The following KANK1 variants were observed in gnomAD, a reference collection of about 807,000 sequenced individuals.
The protein encoded by KANK1 is KN motif and ankyrin repeat domain-containing protein 1.
KANK1 carries 109 observed loss-of-function variants against 106.2 expected under a neutral mutation model. The ratio of observed to expected loss-of-function variants is 1.03; its 90% CI spans 0.88 to 1.20. The LOEUF is 1.20. Ranked by LOEUF, KANK1 falls within the 50% of genes most tolerant of loss-of-function variation. KANK1 has a pLI of 0.00. For synonymous variants in KANK1, 873 were observed against 652.2 expected (o/e 1.34, Z -5.16); for missense variants, 2,399 against 1,710.7 (o/e 1.40, Z -7.10).
chr9:684,805 C>T (rs931406083), intron 2 of KANK1, among the ~76,000 whole-genome samples: 2 of 152,102 alleles, frequency 1.3e-5, no homozygotes, highest in African/African-American at 4.8e-5. Context: ...ACCGCTTTGG[C>T]TCCTTTTCTA....
At chr9:551,951 G>C (rs530761540) in intron 1 of KANK1, among the ~76,000 whole-genome samples, 2 of 152,204 alleles carry the variant, frequency 1.3e-5, no homozygotes, top group East Asian at 3.9e-4. Flanking sequence ...AGCTACTCAG[G>C]AGGCTGAGTT....
chr9:530,370 A>T, intron 1 of KANK1, among the ~76,000 whole-genome samples: 1 of 152,276 alleles, frequency 6.6e-6, no homozygotes, highest in African/African-American at 2.4e-5. Flanking sequence ...TTTTATATTT[A>T]AATTATTTAT....
At chr9:508,618 C>G (rs912885684) in intron 1 of KANK1, among the ~76,000 whole-genome samples, 2 of 146,390 alleles carry the variant, frequency 1.4e-5, no homozygotes, top group African/African-American at 5.6e-5. Flanking sequence ...TTAGTTTTAT[C>G]TGTTTTCATG....
At chr9:705,814 G>C (rs915452418) in intron 2 of KANK1, among the ~76,000 whole-genome samples, 1 of 151,876 alleles carries the variant, frequency 6.6e-6, no homozygotes, top group Non-Finnish European at 1.5e-5. Flanking sequence ...TGGCCAGGTT[G>C]GTCTCGAGCT....
rs199657409 is a variant in KANK1 at position 599,017 on chromosome 9, A to AT, written c.-83-77871dup. On this transcript the variant is annotated intron_variant, in intron 1 of 11. Transcript: ENST00000382297. The stretch of plus-strand genomic sequence containing the variant: ...TTATGAATGATTTGTATTTATTATT[A>AT]TTATTTTTTTTTTTTTTTGAGACGG... Among the ~76,000 whole-genome samples, 77 of 129,820 alleles carry AT rather than the reference A, an allele frequency of 5.9e-4. 1 individual carries two copies. In the East Asian group the frequency reaches 8.7e-3, roughly 15 times the overall value. 85.2% of individuals were successfully genotyped at this position (129,820 alleles called of 152,430 possible).
intron 1 of KANK1, among the ~76,000 whole-genome samples, chr9:648,365 T>C (rs1470038768): frequency 6.6e-6 from 1 of 152,148 alleles, no homozygotes. Context: ...CTTTCTTTAA[T>C]AGGATCATCT....
chr9:533,935 T>C (rs190681694), intron 1 of KANK1, among the ~76,000 whole-genome samples: 1 of 152,320 alleles, frequency 6.6e-6, no homozygotes, highest in Admixed American at 6.5e-5. Context: ...GACCTGGAGA[T>C]TGACTAGCTG....
intron 8 of KANK1, among the ~76,000 whole-genome samples, chr9:739,593 A>C (rs375790077): frequency 5.9e-5 from 9 of 152,246 alleles, no homozygotes; most frequent in Non-Finnish European, 1.3e-4. Flanking sequence ...TGATACAGTC[A>C]GCCAGAGTGA....
chr9:741,663 A>G (rs1249889716), intron 9 of KANK1, among the ~76,000 whole-genome samples: 2 of 150,824 alleles, frequency 1.3e-5, no homozygotes, highest in Non-Finnish European at 3.0e-5. Flanking sequence ...TATTTTTTGT[A>G]TTTTTAGTAG....
chr9:648,212 A>C (rs1039184345), intron 1 of KANK1, among the ~76,000 whole-genome samples: 1 of 142,938 alleles, frequency 7.0e-6, no homozygotes, highest in Non-Finnish European at 1.5e-5. Context: ...TCATGTTGGT[A>C]AGGATGGTCT....
At chr9:728,954 C>T (rs1266713876) in intron 3 of KANK1, among the ~76,000 whole-genome samples, 1 of 152,188 alleles carries the variant, frequency 6.6e-6, no homozygotes, top group Middle Eastern at 3.2e-3. Context: ...TTCTAGTCCA[C>T]TAAAATGTAT....
chr9:518,573 G>A lies in KANK1; in HGVS notation c.-84+13819G>A, dbSNP rs142917446. ...ATGTTTTCTTTGCTTCTTTGTGTTT[G>A]GAAAGAAATATTGATATTGTCATTC... On this transcript the variant is annotated intron_variant, in intron 1 of 11. Coordinates refer to ENST00000382297, the MANE Select transcript of KANK1 (RefSeq NM_015158.5). Among the ~76,000 whole-genome samples the A allele has an allele frequency of 5.4e-4, 82 of 151,792 alleles. 1 individual carries two copies. Among genetic ancestry groups the A allele is most frequent in the Non-Finnish European group, 9.7e-4 (66 of 67,992 alleles).
intron 10 of KANK1, 33 bp downstream of exon 10, chr9:742,438 GGT>G (rs1835887080): frequency 6.4e-7 from 1 of 1,563,064 alleles, no homozygotes; most frequent in Admixed American, 1.7e-5. Flanking sequence ...CCTGGCCAGG[GGT>G]CTGGGGGACT....
At chr9:585,744 G>C (rs889847169) in intron 1 of KANK1, among the ~76,000 whole-genome samples, 9 of 152,140 alleles carry the variant, frequency 5.9e-5, no homozygotes, top group Non-Finnish European at 1.0e-4. Flanking sequence ...ACTGGGCCTT[G>C]AAAGAGGGGG....
At chr9:508,738 T>C (rs866775721) in intron 1 of KANK1, among the ~76,000 whole-genome samples, 7 of 146,768 alleles carry the variant, frequency 4.8e-5, no homozygotes, top group African/African-American at 1.9e-4. Flanking sequence ...TTCAGTTATT[T>C]TCACTGCTGT....
intron 1 of KANK1, among the ~76,000 whole-genome samples, chr9:505,163 C>T (rs1564133367): frequency 6.6e-6 from 1 of 152,130 alleles, no homozygotes; most frequent in Non-Finnish European, 1.5e-5. Flanking sequence ...TGCCTCTGGG[C>T]CCTTCCCTAG....
intron 1 of KANK1, among the ~76,000 whole-genome samples, chr9:606,545 A>G (rs964112948): frequency 7.2e-6 from 1 of 139,064 alleles, no homozygotes; most frequent in Non-Finnish European, 1.5e-5. Flanking sequence ...AACAACAGCA[A>G]AACTCTGTCT....
chr9:491,275 C>CTTTT (rs997066061), intron 3 of KANK1, among the ~76,000 whole-genome samples: 1 of 143,380 alleles, frequency 7.0e-6, no homozygotes, highest in South Asian at 2.2e-4. Context: ...AGTGCATTTT[C>CTTTT]TTTTTTTTTT....
intron 1 of KANK1, chr9:540,651 A>T (rs545889504): frequency 1.3e-5 from 2 of 152,196 alleles, no homozygotes; most frequent in South Asian, 2.1e-4. Flanking sequence ...ACATCCTGGG[A>T]TATTCTTTGT....
Sources: allele counts gnomAD v4.1 joint callset (sites outside exome capture counted in the v4.1 genomes callset), GRCh38; gene constraint gnomAD v4.1.1; transcripts MANE v1.5; gene names NCBI Gene and HGNC (gene_info 2026-07-23, HGNC 2026-07-21).